ADCY1: variants seen among roughly 807,000 people sequenced by gnomAD.
ADCY1 encodes the protein adenylate cyclase type 1.
In ADCY1, 28 loss-of-function variants were observed where a neutral mutation model predicts 105.4. The ratio of observed to expected loss-of-function variants is 0.27; its 90% CI spans 0.20 to 0.36. ADCY1 has a LOEUF of 0.36. ADCY1 is among the 10% of genes least tolerant of loss of function. The pLI, the probability that ADCY1 is intolerant of heterozygous loss-of-function variation, is 1.00. For synonymous variants in ADCY1, 655 were observed against 623.8 expected, an observed-to-expected ratio of 1.05 and a Z score of -0.75; for missense variants, 977 against 1,434.2, an observed-to-expected ratio of 0.68 and a Z score of 5.15.
chr7:45,602,966 C>G (rs1020757788), intron 2 of ADCY1, among the ~76,000 whole-genome samples: 4 of 152,186 alleles, frequency 2.6e-5, no homozygotes, highest in African/African-American at 4.8e-5. Flanking sequence ...TATACCCACA[C>G]CTGCCCTCCA....
intron 7 of ADCY1, among the ~76,000 whole-genome samples, chr7:45,661,775 G>C (rs572007162): frequency 6.6e-6 from 1 of 152,322 alleles, no homozygotes; most frequent in South Asian, 2.1e-4. Flanking sequence ...AGGGCCTCCA[G>C]CCTTCCCCCG....
intron 8 of ADCY1, among the ~76,000 whole-genome samples, chr7:45,672,797 C>T (rs11982319): frequency 0.18 from 27,859 of 151,862 alleles, 3,002 homozygotes; most frequent in African/African-American, 0.29. Context: ...ATGCCTTTTA[C>T]TTCCTTTTCT....
chr7:45,664,673 C>A, intron 8 of ADCY1: 1 of 343,984 alleles, frequency 2.9e-6, no homozygotes, highest in Non-Finnish European at 4.9e-6. Flanking sequence ...CTGGATGGTA[C>A]ACAGGCAGTT....
intron 8 of ADCY1, among the ~76,000 whole-genome samples, chr7:45,676,942 C>T (rs1465137959): frequency 6.7e-6 from 1 of 149,466 alleles, no homozygotes; most frequent in Non-Finnish European, 1.5e-5. Flanking sequence ...CTAGAAACAA[C>T]AGGCTTTTTT....
intron 4 of ADCY1, among the ~76,000 whole-genome samples, chr7:45,640,537 G>C (rs1275060004): frequency 6.6e-6 from 1 of 152,172 alleles, no homozygotes; most frequent in Non-Finnish European, 1.5e-5. Flanking sequence ...AAATGTCGAG[G>C]CAACAGAAAA....
intron 7 of ADCY1, 63 bp downstream of exon 7, chr7:45,660,246 C>A: frequency 6.3e-7 from 1 of 1,589,366 alleles, no homozygotes; most frequent in Non-Finnish European, 8.6e-7. Context: ...CAGAGCTTTA[C>A]AGATGTGACT....
chr7:45,657,663 C>T (rs1794978293), intron 5 of ADCY1, 64 bp from the exon 6 acceptor site: 1 of 1,539,154 alleles, frequency 6.5e-7, no homozygotes, highest in East Asian at 2.4e-5. Context: ...CAGTGCAGAC[C>T]AAGGTGGCCC....
At chr7:45,651,193 C>T (rs1473588514) in intron 5 of ADCY1, among the ~76,000 whole-genome samples, 5 of 152,100 alleles carry the variant, frequency 3.3e-5, no homozygotes, top group Admixed American at 6.5e-5. Context: ...GGCTCTGGAC[C>T]GGAAGAAAAG....
chr7:45,703,005 G>A lies in ADCY1; in HGVS notation c.2455-371G>A, dbSNP rs1785029746. ...GGCATTCTAGGACAGGTGCCCTGCGGGGCACATCAGGAGCTGCCTGGGGGC... is the reference window on the plus strand; with the variant it reads ...GGCATTCTAGGACAGGTGCCCTGCGAGGCACATCAGGAGCTGCCTGGGGGC... On this transcript the variant is annotated intron_variant, in intron 14 of 19. Transcript: ENST00000297323. The surrounding 1 kb of genome is among the most constrained non-coding windows in gnomAD (Gnocchi z 5.9). 1.3e-5 allele frequency among the ~76,000 whole-genome samples: 2 copies of A among 152,214 alleles called. 1 individual carries two copies. Among genetic ancestry groups the A allele is most frequent in the South Asian group, 4.1e-4 (2 of 4,832 alleles).
At chr7:45,622,426 A>G (rs1793925739) in intron 3 of ADCY1, among the ~76,000 whole-genome samples, 1 of 152,172 alleles carries the variant, frequency 6.6e-6, no homozygotes, top group African/African-American at 2.4e-5. Context: ...CCAGTGGCCA[A>G]GCCTCGGCGT....
chr7:45,689,565 A>G (rs1029420854), intron 14 of ADCY1, among the ~76,000 whole-genome samples: 8 of 152,200 alleles, frequency 5.3e-5, no homozygotes, highest in Admixed American at 4.6e-4. Context: ...ATCGCGAGAA[A>G]GGATAGCACC....
At position 45,647,136 on chromosome 7, in the gene ADCY1, G is replaced by A. The variant is rs968495114; in HGVS notation, c.1021-1534G>A. 1.3e-5 allele frequency among the ~76,000 whole-genome samples: 2 copies of A among 152,226 alleles called. No individual in the cohort carries two copies. Among genetic ancestry groups the A allele is most frequent in the African/African-American group, 2.4e-5 (1 of 41,452 alleles). On this transcript the variant is annotated intron_variant, in intron 4 of 19. Coordinates refer to ENST00000297323, the MANE Select transcript of ADCY1 (RefSeq NM_021116.4). This position sits in a 1 kb window ranked among gnomAD's most constrained non-coding sequence, Gnocchi z 4.6. ...GGCCATCTCTCAAGGTCCCTGCAAC[G>A]CCAGGCCTGAGGGCAGCTCAGGACA...
chr7:45,579,391 T>C (rs1201640438), intron 1 of ADCY1, among the ~76,000 whole-genome samples: 1 of 151,720 alleles, frequency 6.6e-6, no homozygotes, highest in East Asian at 1.9e-4. Context: ...CCTCCCCGGC[T>C]GGGATCCTCC....
intron 14 of ADCY1, among the ~76,000 whole-genome samples, chr7:45,693,655 A>G (rs1426123396): frequency 1.3e-5 from 2 of 151,822 alleles, no homozygotes; most frequent in Non-Finnish European, 2.9e-5. Flanking sequence ...ATGGTAGTTT[A>G]ACATGCACAC....
chr7:45,668,998 G>C (rs980282144), intron 8 of ADCY1, among the ~76,000 whole-genome samples: 2 of 152,032 alleles, frequency 1.3e-5, no homozygotes, highest in African/African-American at 4.8e-5. Context: ...ATTTTATATT[G>C]CATCTATTTG....
intron 4 of ADCY1, among the ~76,000 whole-genome samples, chr7:45,632,284 A>G (rs911267156): frequency 3.9e-5 from 6 of 152,142 alleles, no homozygotes; most frequent in Non-Finnish European, 5.9e-5. Flanking sequence ...TCTTTTTCAA[A>G]GTGATTTTTG....
chr7:45,704,457 G>A (rs1409369753), intron 16 of ADCY1, 61 bp from the exon 17 acceptor site: 49 of 1,485,426 alleles, frequency 3.3e-5, no homozygotes, highest in Non-Finnish European at 4.2e-5. Context: ...GGGGGCTGAC[G>A]GCTGCAGCGA....
Position 45,686,365 on chromosome 7 carries a change from C to T in ADCY1, c.2327+150C>T. The T allele has an allele frequency of 7.2e-7, 1 of 1,397,702 alleles. No individual in the cohort carries two copies. Among genetic ancestry groups the T allele is most frequent in the Non-Finnish European group, 9.6e-7 (1 of 1,043,470 alleles). The allele number at this position is 1,397,702 out of a possible 1,614,324, so 86.6% of individuals were successfully genotyped here. A position where few individuals can be genotyped will look rare whatever the true frequency, so the allele number is the denominator to read the frequency against. ...GTTTGGTGGCTGCTTCTCTTCAACC[C>T]AAGTTCTAGCAAGGACTCAGATTTC... is the stretch of plus-strand genomic sequence containing the variant. On this transcript the variant is annotated intron_variant, in intron 13 of 19. Transcript: ENST00000297323. This position sits in a 1 kb window ranked among gnomAD's most constrained non-coding sequence, Gnocchi z 4.3.
rs1785493959 is a variant in ADCY1 at position 45,722,395 on chromosome 7, G to A, written c.*8400G>A. The A allele has an allele frequency of 6.6e-6, 1 of 152,280 alleles. No homozygotes were observed. The highest frequency in any genetic ancestry group is 1.5e-5 in the Non-Finnish European group (1 of 68,096). The allele number at this position is 152,280 out of a possible 1,614,324, so 9.4% of individuals were successfully genotyped here. A position where few individuals can be genotyped will look rare whatever the true frequency, so the allele number is the denominator to read the frequency against. On this transcript the variant is annotated 3_prime_UTR_variant, in exon 20 of 20. Coordinates refer to ENST00000297323, the MANE Select transcript of ADCY1 (RefSeq NM_021116.4). ...CCCGACCTCAGGTCATCCGCCCGCTGGCTGCAGAGCATCCCTGGGAGCCAA... is the reference window on the plus strand; with the variant it reads ...CCCGACCTCAGGTCATCCGCCCGCTAGCTGCAGAGCATCCCTGGGAGCCAA...
Sources: allele counts gnomAD v4.1 joint callset (sites outside exome capture counted in the v4.1 genomes callset), GRCh38; gene constraint gnomAD v4.1.1; non-coding constraint Gnocchi (gnomAD v3.1); transcripts MANE v1.5; gene names NCBI Gene and HGNC (gene_info 2026-07-23, HGNC 2026-07-21).